CNTN5: variants seen among roughly 807,000 people sequenced by gnomAD.
CNTN5 encodes contactin 5.
A neutral mutation model predicts 129.1 loss-of-function variants in CNTN5; 77 were observed. That is an observed-to-expected ratio of 0.60 (90% confidence interval 0.50 to 0.72). The LOEUF (loss-of-function observed/expected upper bound fraction) is 0.72. Among genes scored for constraint, CNTN5 ranks in the 30% least tolerant of loss-of-function variants. CNTN5 has a pLI of 0.00. For synonymous variants in CNTN5, 509 were observed against 465.6 expected (o/e 1.09, Z -1.20); for missense variants, 1,478 against 1,328.8 (o/e 1.11, Z -1.75).
chr11:99,175,331 C>T (rs1188254735), intron 1 of CNTN5, among the ~76,000 whole-genome samples: 1 of 152,080 alleles, frequency 6.6e-6, no homozygotes, highest in Non-Finnish European at 1.5e-5. Flanking sequence ...GAAAGGACAA[C>T]ATAGCTCTGT....
intron 9 of CNTN5, among the ~76,000 whole-genome samples, chr11:100,042,905 T>C (rs1942459734): frequency 1.3e-5 from 2 of 152,190 alleles, no homozygotes; most frequent in Non-Finnish European, 2.9e-5. Flanking sequence ...GAAAATCAAA[T>C]GTGTAGTTGA....
intron 16 of CNTN5, among the ~76,000 whole-genome samples, chr11:100,249,078 T>C (rs1051097345): frequency 6.6e-6 from 1 of 152,180 alleles, no homozygotes; most frequent in Non-Finnish European, 1.5e-5. Flanking sequence ...ATGGTCAAAC[T>C]AGATGACTCC....
intron 3 of CNTN5, among the ~76,000 whole-genome samples, chr11:99,792,178 G>C (rs375684255): frequency 6.6e-6 from 1 of 152,060 alleles, no homozygotes; most frequent in African/African-American, 2.4e-5. Context: ...CCTCGTTCCA[G>C]TTCTCAAGGG....
At chr11:99,680,153 A>T (rs1953487578) in intron 3 of CNTN5, among the ~76,000 whole-genome samples, 1 of 151,976 alleles carries the variant, frequency 6.6e-6, no homozygotes, top group African/African-American at 2.4e-5. Flanking sequence ...TAGAAACTGT[A>T]GCAAGTTATC....
intron 8 of CNTN5, among the ~76,000 whole-genome samples, chr11:99,990,726 A>G (rs1010041749): frequency 1.3e-5 from 2 of 152,180 alleles, no homozygotes; most frequent in South Asian, 4.1e-4. Context: ...TGGTTCTTTA[A>G]GGAATTGAAA....
intron 2 of CNTN5, among the ~76,000 whole-genome samples, chr11:99,407,407 G>A (rs1463800768): frequency 6.7e-6 from 1 of 150,090 alleles, no homozygotes; most frequent in Non-Finnish European, 1.5e-5. Flanking sequence ...CTGTCCTGCT[G>A]TGGCTGAGCT....
At chr11:99,865,021 C>G (rs1312580551) in intron 6 of CNTN5, among the ~76,000 whole-genome samples, 1 of 152,128 alleles carries the variant, frequency 6.6e-6, no homozygotes, top group East Asian at 1.9e-4. Context: ...AATCAGTTGC[C>G]TCTGCCTTAA....
At chr11:99,708,140 A>G (rs1457414394) in intron 3 of CNTN5, among the ~76,000 whole-genome samples, 5 of 151,704 alleles carry the variant, frequency 3.3e-5, no homozygotes, top group African/African-American at 9.7e-5. Context: ...ATTCTTGATG[A>G]TGATCTTCCC....
intron 7 of CNTN5, among the ~76,000 whole-genome samples, chr11:99,919,567 G>T (rs1003384110): frequency 6.6e-6 from 1 of 151,420 alleles, no homozygotes; most frequent in Admixed American, 6.6e-5. Flanking sequence ...CCCTATTTTT[G>T]TCTCTACTCT....
chr11:100,180,621 G>C (rs1299224125), intron 13 of CNTN5, among the ~76,000 whole-genome samples: 1 of 151,984 alleles, frequency 6.6e-6, no homozygotes, highest in East Asian at 1.9e-4. Context: ...AAAGTTGATA[G>C]ATTGGTACTT....
chr11:100,014,284 A>G (rs995182705), intron 9 of CNTN5, among the ~76,000 whole-genome samples: 4 of 152,058 alleles, frequency 2.6e-5, no homozygotes, highest in Non-Finnish European at 5.9e-5. Flanking sequence ...ACCTCAAACC[A>G]TTGGCATCAT....
intron 9 of CNTN5, among the ~76,000 whole-genome samples, chr11:100,020,104 A>G (rs374529893): frequency 2.8e-4 from 42 of 151,550 alleles, no homozygotes; most frequent in African/African-American, 9.2e-4. Flanking sequence ...CACTCTGTTG[A>G]TTGTTTGTTT....
intron 2 of CNTN5, among the ~76,000 whole-genome samples, chr11:99,507,144 G>C (rs61894113): frequency 6.6e-6 from 1 of 151,672 alleles, no homozygotes; most frequent in African/African-American, 2.4e-5. Context: ...TTGGGAGGCC[G>C]AGGCAGGCAG....
intron 1 of CNTN5, among the ~76,000 whole-genome samples, chr11:99,180,202 TA>T (rs1379309936): frequency 6.6e-6 from 1 of 152,070 alleles, no homozygotes; most frequent in Non-Finnish European, 1.5e-5. Context: ...GCAAATGATA[TA>T]ATAATAAGCA....
chr11:100,037,951 T>C (rs1591103398), intron 9 of CNTN5, among the ~76,000 whole-genome samples: 2 of 152,180 alleles, frequency 1.3e-5, no homozygotes, highest in Admixed American at 1.3e-4. Flanking sequence ...TGAAGGGTTT[T>C]TGTGTCTCTA....
At chr11:100,112,857 C>T (rs1945700659) in intron 13 of CNTN5, among the ~76,000 whole-genome samples, 2 of 152,070 alleles carry the variant, frequency 1.3e-5, no homozygotes, top group African/African-American at 4.8e-5. Flanking sequence ...CAGTAATTGA[C>T]TAACTCCCAG....
chr11:99,501,339 AG>A (rs1278403077), intron 2 of CNTN5, among the ~76,000 whole-genome samples: 1 of 152,226 alleles, frequency 6.6e-6, no homozygotes, highest in Non-Finnish European at 1.5e-5. Context: ...CCAATTATGA[AG>A]GGAGAAAACA....
intron 3 of CNTN5, among the ~76,000 whole-genome samples, chr11:99,750,496 A>G (rs977333720): frequency 6.6e-5 from 10 of 151,854 alleles, no homozygotes; most frequent in African/African-American, 2.4e-4. Context: ...AGTTTAAGAA[A>G]TTTGAATATG....
rs75143620 is a variant in CNTN5 at position 99,108,181 on chromosome 11, T to C, written c.-210+86911T>C. Among the ~76,000 whole-genome samples the C allele has an allele frequency of 5.2e-3, 799 of 152,264 alleles. 9 individuals carry two copies. The highest frequency in any genetic ancestry group is 0.019 in the African/African-American group (773 of 41,560). ...ATTACAGTGGATTAGAATTTGTATA[T>C]AACAAAGGCTTTTTGTAAAAGTTTG... is the stretch of plus-strand genomic sequence containing the variant. On this transcript the variant is annotated intron_variant, in intron 1 of 24. Coordinates refer to ENST00000524871, the MANE Select transcript of CNTN5 (RefSeq NM_014361.4).
Sources: gnomAD v4.1 joint callset for allele counts (sites outside exome capture counted in the v4.1 genomes callset) on GRCh38, gnomAD v4.1.1 for gene constraint, MANE v1.5 for transcripts, NCBI Gene and HGNC (gene_info 2026-07-23, HGNC 2026-07-21) for gene names.